Variants in OTUD7A observed in about 807,000 individuals in gnomAD.
The protein encoded by OTUD7A is OTU domain-containing protein 7A.
Under a neutral mutation model 65.7 loss-of-function variants are expected in OTUD7A, and 12 were observed. The observed-to-expected ratio is 0.18, with a 90% confidence interval of 0.12 to 0.30. The LOEUF (loss-of-function observed/expected upper bound fraction) is 0.30. OTUD7A is among the 10% of genes least tolerant of loss of function. The pLI is 1.00. For synonymous variants in OTUD7A, 641 were observed against 586.3 expected (o/e 1.09, Z -1.35); for missense variants, 1,148 against 1,304.8 (o/e 0.88, Z 1.85).
intron 1 of OTUD7A, among the ~76,000 whole-genome samples, chr15:31,671,966 G>C (rs1457564000): frequency 6.6e-6 from 1 of 152,012 alleles, no homozygotes; most frequent in Non-Finnish European, 1.5e-5. Flanking sequence ...TCCTTTCTTT[G>C]AGTCCGTGTG....
chr15:31,682,679 A>G (rs768766557), intron 1 of OTUD7A, among the ~76,000 whole-genome samples: 5 of 152,234 alleles, frequency 3.3e-5, no homozygotes, highest in Non-Finnish European at 7.3e-5. Context: ...ATCTTACACC[A>G]TATATAAAAA....
chr15:31,664,174 C>T (rs1399971682), intron 1 of OTUD7A, among the ~76,000 whole-genome samples: 1 of 152,092 alleles, frequency 6.6e-6, no homozygotes, highest in Non-Finnish European at 1.5e-5. Context: ...TTCTTTTCCT[C>T]TGGGTAGATA....
At chr15:31,793,183 G>C (rs537998228) in intron 1 of OTUD7A, among the ~76,000 whole-genome samples, 12 of 152,206 alleles carry the variant, frequency 7.9e-5, no homozygotes, top group African/African-American at 2.9e-4. Flanking sequence ...CTGATAATGC[G>C]GCAGAACTTG....
In OTUD7A at chr15:31,646,548, C is replaced by G. The variant is rs111241710; in HGVS notation, c.151+8548G>C. The stretch of plus-strand genomic sequence containing the variant: ...TGATCTTGGCTCACTGCAACCTCTG[C>G]CTCCTGGGTTCAAGCAATTCTCCTG... On this transcript the variant is annotated intron_variant, in intron 3 of 12. Coordinates refer to ENST00000307050, the MANE Select transcript of OTUD7A (RefSeq NM_001382637.1). 8.9e-3 allele frequency among the ~76,000 whole-genome samples: 1,347 copies of G among 151,644 alleles called. 30 individuals are homozygous for G. Among genetic ancestry groups the G allele is most frequent in the African/African-American group, 0.031 (1,297 of 41,346 alleles).
intron 3 of OTUD7A, among the ~76,000 whole-genome samples, chr15:31,600,089 C>T (rs548377707): frequency 1.3e-3 from 194 of 152,246 alleles, no homozygotes; most frequent in African/African-American, 4.4e-3. Flanking sequence ...TCTAGGAGAA[C>T]TTCCCCAACC....
At chr15:31,661,975 GGTGCCAT>G (rs1433864121) in intron 1 of OTUD7A, among the ~76,000 whole-genome samples, 2 of 151,900 alleles carry the variant, frequency 1.3e-5, no homozygotes, top group Non-Finnish European at 2.9e-5. Flanking sequence ...TTGCTCCTAT[GGTGCCAT>G]GTCACATGCT....
At chr15:31,517,876 C>T (rs920724105) in intron 8 of OTUD7A, among the ~76,000 whole-genome samples, 4 of 152,134 alleles carry the variant, frequency 2.6e-5, no homozygotes, top group African/African-American at 9.7e-5. Flanking sequence ...TGGAGACCAT[C>T]CTCGGCAAGA....
chr15:31,477,200 G>A lies in OTUD7A; in HGVS notation c.*6094C>T, dbSNP rs1341691181. The A allele has an allele frequency of 6.6e-6, 1 of 152,348 alleles. No homozygotes were observed. The highest frequency in any genetic ancestry group is 2.4e-5 in the African/African-American group (1 of 41,468). The allele number at this position is 152,348 out of a possible 1,614,324, so 9.4% of individuals were successfully genotyped here. ...CTCTGCAGCCTTGCTTTGGTGGCTG[G>A]AGGATGAGTCCTTCTAATGGTCAGG... On this transcript the variant is annotated 3_prime_UTR_variant, in exon 13 of 13. Coordinates refer to ENST00000307050, the MANE Select transcript of OTUD7A (RefSeq NM_001382637.1).
rs1175699848 is a variant in OTUD7A, at chr15:31,558,861, G to A, written c.550+108C>T. The stretch of plus-strand genomic sequence containing the variant: ...GCATCTAGAATCCTAACTGAAAACT[G>A]CCCAGAGTCTGAGAACATGTGCCCT... On this transcript the variant is annotated intron_variant, in intron 5 of 12. Transcript: ENST00000307050. The A allele has an allele frequency of 2.4e-6, 3 of 1,239,426 alleles. No homozygotes were observed. In the African/African-American group the frequency reaches 4.5e-5, roughly 19 times the overall value. The allele number at this position is 1,239,426 out of a possible 1,614,324, so 76.8% of individuals were successfully genotyped here.
chr15:31,855,639 G>T (rs534767408), intron 1 of OTUD7A, among the ~76,000 whole-genome samples: 2 of 152,182 alleles, frequency 1.3e-5, no homozygotes, highest in Non-Finnish European at 2.9e-5. Context: ...TCTAAGAGAT[G>T]ACCCATGTTA....
At chr15:31,868,333 G>T (rs530040063) in intron 1 of OTUD7A, among the ~76,000 whole-genome samples, 1 of 152,194 alleles carries the variant, frequency 6.6e-6, no homozygotes, top group Non-Finnish European at 1.5e-5. Flanking sequence ...GTACTACAGC[G>T]AGTTAAACCA....
intron 1 of OTUD7A, among the ~76,000 whole-genome samples, chr15:31,747,822 T>C (rs900444331): frequency 2.6e-5 from 4 of 152,184 alleles, no homozygotes; most frequent in African/African-American, 9.7e-5. Context: ...TAACCAGTAA[T>C]GGGACAAATC....
intron 1 of OTUD7A, among the ~76,000 whole-genome samples, chr15:31,831,375 A>G (rs944678223): frequency 3.3e-5 from 5 of 152,230 alleles, no homozygotes; most frequent in African/African-American, 9.6e-5. Context: ...AGTAAAAATC[A>G]GTAAAAGAGA....
chr15:31,600,873 A>C (rs969580478), intron 3 of OTUD7A, among the ~76,000 whole-genome samples: 1 of 152,238 alleles, frequency 6.6e-6, no homozygotes, highest in African/African-American at 2.4e-5. Context: ...AGGGCATTAC[A>C]TAGTGGTAAA....
intron 1 of OTUD7A, chr15:31,768,016 A>G (rs1895134268): frequency 1.3e-6 from 2 of 1,597,934 alleles, no homozygotes; most frequent in Non-Finnish European, 8.6e-7. Flanking sequence ...CAGGACCAAA[A>G]TTGCTATTAT....
rs1897261164 is a variant in OTUD7A, at chr15:31,844,855, C to A, written c.-100+25652G>T. The stretch of plus-strand genomic sequence containing the variant: ...CTGCCAGGAACAGTGCAAATCCTTT[C>A]TTCCTGTCACTCAGGGCCCTGCTTA... On this transcript the variant is annotated intron_variant, in intron 1 of 12. Coordinates refer to ENST00000307050, the MANE Select transcript of OTUD7A (RefSeq NM_001382637.1). Among the ~76,000 whole-genome samples, 4 of 152,222 alleles carry A rather than the reference C, an allele frequency of 2.6e-5. No homozygotes were observed. In the South Asian group the frequency reaches 8.3e-4, roughly 31 times the overall value.
chr15:31,765,710 A>G, intron 1 of OTUD7A: 3 of 965,652 alleles, frequency 3.1e-6, no homozygotes, highest in Non-Finnish European at 3.1e-6. Flanking sequence ...CATTTATCAA[A>G]GTTCCACAAG....
At chr15:31,747,907 A>G (rs1413958708) in intron 1 of OTUD7A, among the ~76,000 whole-genome samples, 1 of 152,208 alleles carries the variant, frequency 6.6e-6, no homozygotes, top group African/African-American at 2.4e-5. Flanking sequence ...GCAAAAATCC[A>G]TAACAGGACT....
At chr15:31,594,550 G>A (rs1006889452) in intron 3 of OTUD7A, among the ~76,000 whole-genome samples, 3 of 152,330 alleles carry the variant, frequency 2.0e-5, no homozygotes, top group Admixed American at 2.0e-4. Flanking sequence ...CCCTGGCCAG[G>A]TCATCAAGCC....
Sources: gnomAD v4.1 joint callset for allele counts (sites outside exome capture counted in the v4.1 genomes callset) on GRCh38, gnomAD v4.1.1 for gene constraint, MANE v1.5 for transcripts, NCBI Gene and HGNC (gene_info 2026-07-23, HGNC 2026-07-21) for gene names.